Variants in FBXW7 observed in about 807,000 individuals in gnomAD.
The protein encoded by FBXW7 is F-box and WD repeat domain containing 7.
In FBXW7, 11 loss-of-function variants were observed where a neutral mutation model predicts 86.3. That is an observed-to-expected ratio of 0.13 (90% confidence interval 0.08 to 0.21). The LOEUF (loss-of-function observed/expected upper bound fraction) is 0.21. Ranked by LOEUF, FBXW7 falls within the 10% of genes least tolerant of loss-of-function variation. FBXW7 has a pLI of 1.00. For synonymous variants in FBXW7, 313 were observed against 297.9 expected (o/e 1.05, Z -0.52); for missense variants, 488 against 847.4 (o/e 0.58, Z 5.27).
chr4:152,431,544 T>C (rs966136617), intron 2 of FBXW7, among the ~76,000 whole-genome samples: 5 of 152,214 alleles, frequency 3.3e-5, no homozygotes, highest in African/African-American at 1.2e-4. Context: ...TATTTGATTA[T>C]GTGGCAGTTA....
chr4:152,527,858 A>C (rs1374852896), intron 2 of FBXW7, among the ~76,000 whole-genome samples: 2 of 122,386 alleles, frequency 1.6e-5, no homozygotes, highest in East Asian at 4.7e-4. Context: ...AAAATTTAAA[A>C]ATTATATACA....
intron 2 of FBXW7, among the ~76,000 whole-genome samples, chr4:152,508,806 C>A (rs1405247109): frequency 2.7e-5 from 4 of 150,868 alleles, no homozygotes; most frequent in Non-Finnish European, 5.9e-5. Flanking sequence ...GAATCTGAAT[C>A]AACACTACTT....
chr4:152,416,450 G>A (rs1373775980), intron 2 of FBXW7, among the ~76,000 whole-genome samples: 1 of 152,002 alleles, frequency 6.6e-6, no homozygotes, highest in Non-Finnish European at 1.5e-5. Flanking sequence ...GTTATTTTCA[G>A]CACAGGATGT....
chr4:152,336,825 C>T (rs184957810), intron 7 of FBXW7, among the ~76,000 whole-genome samples: 35 of 152,046 alleles, frequency 2.3e-4, no homozygotes, highest in Middle Eastern at 6.8e-3. Context: ...TCGTATCCAA[C>T]GTGCAATTCT....
chr4:152,336,744 AT>A (rs768403482), intron 7 of FBXW7, among the ~76,000 whole-genome samples: 1 of 151,988 alleles, frequency 6.6e-6, no homozygotes, highest in Non-Finnish European at 1.5e-5. Context: ...GGAAGAAAAG[AT>A]TTTCTCCACT....
intron 2 of FBXW7, among the ~76,000 whole-genome samples, chr4:152,428,439 C>T (rs1560885714): frequency 6.6e-6 from 1 of 152,116 alleles, no homozygotes; most frequent in Non-Finnish European, 1.5e-5. Context: ...CATTAGCTCA[C>T]CTGGAGCCAA....
intron 2 of FBXW7, among the ~76,000 whole-genome samples, chr4:152,440,969 G>A (rs1360495261): frequency 6.6e-6 from 1 of 150,768 alleles, no homozygotes; most frequent in Non-Finnish European, 1.5e-5. Flanking sequence ...TAAGCGTCAT[G>A]TCTCTTCTAT....
At chr4:152,397,950 T>A (rs1469219567) in intron 4 of FBXW7, among the ~76,000 whole-genome samples, 1 of 151,836 alleles carries the variant, frequency 6.6e-6, no homozygotes, top group South Asian at 2.1e-4. Context: ...ACTTGAGAAA[T>A]TTTCTAAAAG....
rs1382361753 is a variant in FBXW7 at position 152,411,520 on chromosome 4, T to C, written c.284A>G (p.Gln95Arg). ...ISVDEDSSGN[Q>R]EEQEEDEEHA... Reference sequence around the variant, plus strand: ...TTCTTCATCTTCCTCTTGTTCTTCTTGGTTTCCTGAGGAGTCCTCATCTAC... The same window carrying C: ...TTCTTCATCTTCCTCTTGTTCTTCTCGGTTTCCTGAGGAGTCCTCATCTAC... The change falls in exon 4 of 14, where the codon CAA (glutamine) becomes CGA (arginine). Residue 95 changes from glutamine (Q) to arginine (R), a missense_variant. Coordinates refer to ENST00000281708, the MANE Select transcript of FBXW7 (RefSeq NM_001349798.2). 6.2e-7 allele frequency: 1 copy of C among 1,613,978 alleles called. No individual in the cohort carries two copies. Among genetic ancestry groups the C allele is most frequent in the Non-Finnish European group, 8.5e-7 (1 of 1,179,920 alleles).
chr4:152,346,862 G>T (rs1167105829), intron 6 of FBXW7, 68 bp downstream of exon 6: 3 of 1,575,490 alleles, frequency 1.9e-6, no homozygotes, highest in South Asian at 1.2e-5. Flanking sequence ...CTTTTTTTAC[G>T]GATGAATAAT....
At chr4:152,430,553 G>GA (rs1739793266) in intron 2 of FBXW7, among the ~76,000 whole-genome samples, 1 of 151,502 alleles carries the variant, frequency 6.6e-6, no homozygotes, top group Admixed American at 6.6e-5. Flanking sequence ...ACTAAAAAAA[G>GA]AAAGAAAAAA....
intron 2 of FBXW7, among the ~76,000 whole-genome samples, chr4:152,510,340 A>G (rs965245011): frequency 6.6e-6 from 1 of 152,216 alleles, no homozygotes; most frequent in Non-Finnish European, 1.5e-5. Context: ...ATGCCTGTGT[A>G]CTTTATTTTG....
chr4:152,501,523 G>C lies in FBXW7; in HGVS notation c.-120+33418C>G, dbSNP rs542523667. Among the ~76,000 whole-genome samples the C allele has an allele frequency of 3.9e-5, 6 of 152,272 alleles. No individual in the cohort carries two copies. In the East Asian group the frequency reaches 1.2e-3, roughly 29 times the overall value. On this transcript the variant is annotated intron_variant, in intron 2 of 13. Transcript: ENST00000281708. ...GGTTGGTGCTTTAATAACTAGTCAAGATATGGCCACTACTGGTTTTAAAAC... is the reference window on the plus strand; with the variant it reads ...GGTTGGTGCTTTAATAACTAGTCAACATATGGCCACTACTGGTTTTAAAAC...
intron 4 of FBXW7, among the ~76,000 whole-genome samples, chr4:152,400,302 TA>T (rs919579510): frequency 6.6e-5 from 10 of 152,212 alleles, no homozygotes; most frequent in African/African-American, 2.4e-4. Context: ...ATCATAGACA[TA>T]AATGTAAAGT....
chr4:152,324,404 A>T lies in FBXW7; in HGVS notation c.1645-10T>A, dbSNP rs1228718112. 6.4e-7 allele frequency: 1 copy of T among 1,566,454 alleles called. No individual in the cohort carries two copies. Among genetic ancestry groups the T allele is most frequent in the East Asian group, 2.4e-5 (1 of 42,426 alleles). On this transcript the variant is annotated splice_polypyrimidine_tract_variant and intron_variant, in intron 12 of 13. Transcript: ENST00000281708. ...CATGGATACCATCAAACTACAAAAG[A>T]CACAGTTTATTAGAATAGAAGTATG...
At chr4:152,424,216 A>G (rs763240874) in intron 2 of FBXW7, among the ~76,000 whole-genome samples, 43 of 152,158 alleles carry the variant, frequency 2.8e-4, no homozygotes, top group Non-Finnish European at 4.9e-4. Flanking sequence ...AGTAGGGCCC[A>G]GTTTCTGCAT....
chr4:152,397,847 T>C (rs748104519), intron 4 of FBXW7, among the ~76,000 whole-genome samples: 84 of 152,088 alleles, frequency 5.5e-4, no homozygotes, highest in Non-Finnish European at 9.9e-4. Flanking sequence ...GTAGCTTCTT[T>C]GGAGAGATAA....
intron 2 of FBXW7, among the ~76,000 whole-genome samples, chr4:152,419,241 T>C (rs1341900926): frequency 6.6e-6 from 1 of 152,142 alleles, no homozygotes; most frequent in Non-Finnish European, 1.5e-5. Flanking sequence ...AAAAATGAAG[T>C]GCCATTTTGG....
chr4:152,462,722 C>T (rs80220310), intron 2 of FBXW7, among the ~76,000 whole-genome samples: 2,086 of 152,228 alleles, frequency 0.014, 26 homozygotes, highest in Middle Eastern at 0.037. Context: ...AATATTTTGT[C>T]CAGATCTTAT....
Sources: gnomAD v4.1 joint callset for allele counts (sites outside exome capture counted in the v4.1 genomes callset) on GRCh38, gnomAD v4.1.1 for gene constraint, MANE v1.5 for transcripts, NCBI Gene and HGNC (gene_info 2026-07-23, HGNC 2026-07-21) for gene names.